BNIP5: variants seen among roughly 807,000 people sequenced by gnomAD.
BNIP5 encodes the protein protein BNIP5.
In BNIP5, 61 loss-of-function variants were observed where a neutral mutation model predicts 67.3. The ratio of observed to expected loss-of-function variants is 0.91; its 90% CI spans 0.74 to 1.12. The LOEUF (loss-of-function observed/expected upper bound fraction) is 1.12, where lower values mean the gene tolerates loss of function less well. Ranked by LOEUF, BNIP5 falls within the 50% of genes most tolerant of loss-of-function variation. BNIP5 has a pLI of 0.00. For missense variants in BNIP5, 826 were observed against 816.3 expected (o/e 1.01, Z -0.14); for synonymous variants, 317 against 319.0 (o/e 0.99, Z 0.07).
chr6:36,326,730 C>T lies in BNIP5; in HGVS notation c.816G>A (p.Gly272=). Reference sequence around the variant, plus strand: ...CTGGTGCTGGGTTTGGCAGGGCCACCCCCAGCTGTGAGGCCAGAGATTGCT... The same window carrying T: ...CTGGTGCTGGGTTTGGCAGGGCCACTCCCAGCTGTGAGGCCAGAGATTGCT... ...EEEQSLASQL[G]VALPNPAPAV... Residue 272 remains glycine (G), a synonymous_variant, in exon 5 of 12, where the codon GGG becomes GGA. Transcript: ENST00000437635. 6.2e-7 allele frequency: 1 copy of T among 1,614,164 alleles called. No homozygotes were observed. The highest frequency in any genetic ancestry group is 1.1e-5 in the South Asian group (1 of 91,080).
Position 36,330,440 on chromosome 6 carries a change from A to C in BNIP5, c.251T>G (p.Phe84Cys), listed in dbSNP as rs148041768. 4.3e-5 allele frequency: 69 copies of C among 1,613,964 alleles called. 1 individual carries two copies. The African/African-American group carries it at 6.5e-4, about 15-fold the overall frequency. The change falls in exon 2 of 12, where the codon TTT (phenylalanine) becomes TGT (cysteine). Residue 84 changes from phenylalanine (F) to cysteine (C), a missense_variant. Physicochemically the swap from Phe to Cys is radical, Grantham distance 205. Coordinates refer to ENST00000437635, the MANE Select transcript of BNIP5 (RefSeq NM_001010903.5). ...AAPTPEETGD[F>C]LPSEQRPSQD... ...CGAAGGCCTCTGCTCGCTGGGGAGA[A>C]AATCTCCGGTCTCCTCGGGAGTGGG...
At chr6:36,324,397 G>A (rs1302777698) in intron 6 of BNIP5, among the ~76,000 whole-genome samples, 1 of 150,618 alleles carries the variant, frequency 6.6e-6, no homozygotes, top group Admixed American at 6.6e-5. Context: ...CCCAGGAGGA[G>A]GCCCCTCAGG....
At position 36,331,424 on chromosome 6, in the gene BNIP5, G is replaced by A. The variant is rs1036163490; in HGVS notation, c.-4-730C>T. On this transcript the variant is annotated intron_variant, in intron 1 of 11. Coordinates refer to ENST00000437635, the MANE Select transcript of BNIP5 (RefSeq NM_001010903.5). ...CATCTTGTCCAAAGCCACTGGGTCTGGGGGCTTTTGTTACAGTAGCAATGG... is the reference window on the plus strand; with the variant it reads ...CATCTTGTCCAAAGCCACTGGGTCTAGGGGCTTTTGTTACAGTAGCAATGG... 4.6e-5 allele frequency among the ~76,000 whole-genome samples: 7 copies of A among 152,264 alleles called. No individual in the cohort carries two copies. The South Asian group carries it at 6.2e-4, about 14-fold the overall frequency.
intron 2 of BNIP5, among the ~76,000 whole-genome samples, chr6:36,329,673 G>A (rs552361792): frequency 3.9e-5 from 6 of 152,224 alleles, no homozygotes; most frequent in East Asian, 1.9e-4. Flanking sequence ...TTAGCCAGGC[G>A]TGGTGGTGGG....
chr6:36,322,739 C>G (rs756338530), intron 8 of BNIP5, among the ~76,000 whole-genome samples: 4 of 152,220 alleles, frequency 2.6e-5, no homozygotes, highest in Non-Finnish European at 5.9e-5. Context: ...TTCTGGGTCA[C>G]TTAGCCTGTC....
intron 3 of BNIP5, among the ~76,000 whole-genome samples, chr6:36,328,345 A>C (rs1771809351): frequency 6.6e-6 from 1 of 152,258 alleles, no homozygotes; most frequent in African/African-American, 2.4e-5. Flanking sequence ...TAAAAGACTA[A>C]GAAAAGTTCC....
rs763874698 is a variant in BNIP5, at chr6:36,330,126, C to T, written c.565G>A (p.Ala189Thr). The T allele has an allele frequency of 8.7e-6, 14 of 1,611,944 alleles. No homozygotes were observed. Among genetic ancestry groups the T allele is most frequent in the South Asian group, 2.2e-5 (2 of 91,056 alleles). ...GREEGLSKAA[A>T]ALRSGEADLG... ...TCAGCCTCCCCGGAGCGCAAGGCAG[C>T]AGCTGCCTTGGACAACCCTTCCTCT... is the stretch of plus-strand genomic sequence containing the variant. The change falls in exon 2 of 12, where the codon GCT becomes ACT. Residue 189 changes from alanine (A) to threonine (T), a missense_variant. Transcript: ENST00000437635.
intron 3 of BNIP5, 40 bp downstream of exon 3, chr6:36,328,558 T>C (rs1771813396): frequency 7.9e-7 from 1 of 1,273,690 alleles, no homozygotes; most frequent in Non-Finnish European, 1.1e-6. Flanking sequence ...AACAGCCACC[T>C]CAGCCACAGG....
In BNIP5 at chr6:36,326,675, T is replaced by C. The variant is rs1213635900; in HGVS notation, c.871A>G (p.Thr291Ala). The change falls in exon 5 of 12, where the codon ACA becomes GCA. Residue 291 changes from threonine to alanine, a missense_variant. Thr to Ala is a moderately conservative substitution (Grantham distance 58). Transcript: ENST00000437635. The part of the protein sequence containing the change: ...AVRKKSQEKK[T>A]SLKRTSKTNP... ...GTCTTTGAGGTTCTCTTGAGGCTTG[T>C]CTTTTTCTCTTGGGATTTCTTCCTA... 6.2e-7 allele frequency: 1 copy of C among 1,614,266 alleles called. No individual in the cohort carries two copies. The highest frequency in any genetic ancestry group is 8.5e-7 in the Non-Finnish European group (1 of 1,180,052).
In BNIP5 at chr6:36,327,028, A is replaced by C; in HGVS notation, c.792+2T>G. The C allele has an allele frequency of 6.2e-7, 1 of 1,613,574 alleles. No individual in the cohort carries two copies. The highest frequency in any genetic ancestry group is 8.5e-7 in the Non-Finnish European group (1 of 1,179,492). On this transcript the variant is annotated splice_donor_variant, in intron 4 of 11. Coordinates refer to ENST00000437635, the MANE Select transcript of BNIP5 (RefSeq NM_001010903.5). LOFTEE classifies it high-confidence loss of function. ...TGGAGACCTGCAAAGTTTACTCCTC[A>C]CCTCTTCTTCCCACTGGTCTCCCAC... is the stretch of plus-strand genomic sequence containing the variant.
chr6:36,328,885 T>A (rs756074931), intron 2 of BNIP5, among the ~76,000 whole-genome samples, 171 bp from the exon 3 acceptor site: 64 of 151,968 alleles, frequency 4.2e-4, no homozygotes, highest in Non-Finnish European at 6.8e-4. Flanking sequence ...CCACTAAGAT[T>A]TTTATTTGAG....
At chr6:36,327,149 T>C (rs1176291433) in intron 3 of BNIP5, 55 bp from the exon 4 acceptor site, 8 of 1,455,132 alleles carry the variant, frequency 5.5e-6, no homozygotes, top group Non-Finnish European at 7.7e-6. Flanking sequence ...GACAACTCCT[T>C]CTAAATTACC....
intron 10 of BNIP5, among the ~76,000 whole-genome samples, chr6:36,320,447 G>T (rs948466985): frequency 6.6e-6 from 1 of 152,198 alleles, no homozygotes; most frequent in African/African-American, 2.4e-5. Flanking sequence ...TGGGGAAGTG[G>T]AGGCTGTTAA....
intron 6 of BNIP5, 78 bp downstream of exon 6, chr6:36,325,205 T>TTG: frequency 6.7e-7 from 1 of 1,492,628 alleles, no homozygotes; most frequent in Non-Finnish European, 9.3e-7. Context: ...TCTCTCTGGC[T>TTG]CAGTGTCTCT....
At chr6:36,320,581 T>C (rs1408907694) in intron 10 of BNIP5, among the ~76,000 whole-genome samples, 1 of 152,278 alleles carries the variant, frequency 6.6e-6, no homozygotes, top group Non-Finnish European at 1.5e-5. Flanking sequence ...GCGTCCGCTA[T>C]GCTGATTACT....
At position 36,322,388 on chromosome 6, in the gene BNIP5, A is replaced by C; in HGVS notation, c.1526T>G (p.Val509Gly). The change falls in exon 9 of 12, where the codon GTG becomes GGG. Residue 509 changes from valine to glycine, a missense_variant. Val to Gly is a moderately radical substitution (Grantham distance 109, BLOSUM62 -3). Transcript: ENST00000437635. The part of the protein sequence containing the change: ...EPLPAEGEPV[V>G]ISEAPSQARG... The stretch of plus-strand genomic sequence containing the variant: ...AGCCTGGGAGGGTGCTTCTGAGATC[A>C]CAACTGGCTCCCCTTCTGCGGGCAG... 6.2e-7 allele frequency: 1 copy of C among 1,614,126 alleles called. No homozygotes were observed. The highest frequency in any genetic ancestry group is 8.5e-7 in the Non-Finnish European group (1 of 1,180,000).
intron 11 of BNIP5, among the ~76,000 whole-genome samples, chr6:36,317,796 G>A (rs1348087394): frequency 6.7e-6 from 1 of 149,772 alleles, no homozygotes; most frequent in African/African-American, 2.5e-5. Context: ...GCTGTCAATA[G>A]CTACCAGTTA....
At position 36,323,454 on chromosome 6, in the gene BNIP5, G is replaced by C. The variant is rs151027628; in HGVS notation, c.1310C>G (p.Ser437Trp). ...HCRRKSQEKR[S>W]SFRRAFYHKK... The stretch of plus-strand genomic sequence containing the variant: ...ATGGTAAAACGCTCTCCTGAAGCTC[G>C]ACCTTTTTTCTTGAGATTTCCTTCT... The change falls in exon 8 of 12, where the codon TCG becomes TGG. Residue 437 changes from serine (S) to tryptophan (W), a missense_variant. Physicochemically the swap from Ser to Trp is radical, Grantham distance 177. Coordinates refer to ENST00000437635, the MANE Select transcript of BNIP5 (RefSeq NM_001010903.5). 1.8e-5 allele frequency: 29 copies of C among 1,614,216 alleles called. No homozygotes were observed. The African/African-American group carries it at 3.7e-4, about 21-fold the overall frequency.
rs41270098 is a variant in BNIP5, at chr6:36,327,087, A to G, written c.735T>C (p.Ala245=). The change falls in exon 4 of 12, where the codon GCT becomes GCC. Residue 245 remains alanine, a synonymous_variant. Transcript: ENST00000437635. ...EEELKKPDQD[A]IIQMIVELLK... is the part of the protein sequence containing the mutation. ...GCAATTCCACTATCATCTGAATGAT[A>G]GCATCCTCTGGAAGAAAGCAAATGC... The G allele has an allele frequency of 0.1, 168,119 of 1,612,526 alleles. 10,185 individuals carry two copies. Among genetic ancestry groups the G allele is most frequent in the Non-Finnish European group, 0.12 (146,135 of 1,178,514 alleles).
Sources: allele counts gnomAD v4.1 joint callset (sites outside exome capture counted in the v4.1 genomes callset), GRCh38; gene constraint gnomAD v4.1.1; transcripts MANE v1.5; gene names NCBI Gene and HGNC (gene_info 2026-07-23, HGNC 2026-07-21).